The following LRRC8D variants were observed in gnomAD, a reference collection of about 807,000 sequenced individuals.
LRRC8D encodes the protein volume-regulated anion channel subunit LRRC8D.
Under a neutral mutation model 55.8 loss-of-function variants are expected in LRRC8D, and 20 were observed. The observed-to-expected ratio is 0.36, with a 90% CI of 0.25 to 0.52. The LOEUF (loss-of-function observed/expected upper bound fraction) is 0.52, where lower values mean the gene tolerates loss of function less well. LRRC8D is among the 20% of genes least tolerant of loss of function. LRRC8D has a pLI of 0.93. For missense variants in LRRC8D, 651 were observed against 1,030.8 expected, an observed-to-expected ratio of 0.63 and a Z score of 5.05; for synonymous variants, 352 against 377.0, an observed-to-expected ratio of 0.93 and a Z score of 0.77.
intron 2 of LRRC8D, among the ~76,000 whole-genome samples, chr1:89,921,579 C>G (rs930659724): frequency 1.3e-5 from 2 of 152,068 alleles, no homozygotes; most frequent in African/African-American, 4.8e-5. Flanking sequence ...GAGTCTTGCT[C>G]TGTTGCCCAG....
At chr1:89,893,208 A>G (rs1662622977) in intron 2 of LRRC8D, among the ~76,000 whole-genome samples, 1 of 152,188 alleles carries the variant, frequency 6.6e-6, no homozygotes, top group African/African-American at 2.4e-5. Flanking sequence ...CTAGGGCAGG[A>G]GTGTTGAGAA....
At chr1:89,870,153 A>G (rs1402127853) in intron 2 of LRRC8D, among the ~76,000 whole-genome samples, 1 of 151,698 alleles carries the variant, frequency 6.6e-6, no homozygotes, top group Non-Finnish European at 1.5e-5. Flanking sequence ...ATATCCAGCC[A>G]AAGTAAGCTG....
chr1:89,877,943 G>A (rs1420141822), intron 2 of LRRC8D, among the ~76,000 whole-genome samples: 1 of 152,198 alleles, frequency 6.6e-6, no homozygotes, highest in East Asian at 1.9e-4. Flanking sequence ...GAGTATGCTT[G>A]GTGCCTTCCC....
intron 1 of LRRC8D, among the ~76,000 whole-genome samples, chr1:89,838,516 A>G (rs920094884): frequency 3.3e-5 from 5 of 152,256 alleles, no homozygotes; most frequent in African/African-American, 7.2e-5. Flanking sequence ...TATTTCATCT[A>G]TGTAATACAC....
At chr1:89,839,822 T>C (rs1246820207) in intron 1 of LRRC8D, among the ~76,000 whole-genome samples, 1 of 152,218 alleles carries the variant, frequency 6.6e-6, no homozygotes, top group African/African-American at 2.4e-5. Flanking sequence ...TTTTCTTGTT[T>C]GTAAAATCCA....
chr1:89,919,519 A>G (rs1033181987), intron 2 of LRRC8D, among the ~76,000 whole-genome samples: 2 of 152,228 alleles, frequency 1.3e-5, no homozygotes, highest in African/African-American at 2.4e-5. Context: ...TTAAAAGGAA[A>G]ATGGTCAAGT....
chr1:89,850,949 C>T (rs1414181099), intron 2 of LRRC8D, among the ~76,000 whole-genome samples: 1 of 152,130 alleles, frequency 6.6e-6, no homozygotes, highest in East Asian at 1.9e-4. Context: ...TCTAAAAACA[C>T]ATTTCTAAAA....
intron 1 of LRRC8D, among the ~76,000 whole-genome samples, chr1:89,834,374 G>C (rs1557441904): frequency 6.6e-6 from 1 of 152,084 alleles, no homozygotes; most frequent in Non-Finnish European, 1.5e-5. Context: ...GTCCACAGTG[G>C]GCCACTTTTC....
At chr1:89,860,611 AGCTGAGCGTG>A (rs1661677640) in intron 2 of LRRC8D, among the ~76,000 whole-genome samples, 1 of 150,946 alleles carries the variant, frequency 6.6e-6, no homozygotes, top group Non-Finnish European at 1.5e-5. Flanking sequence ...TAAAAAAATT[AGCTGAGCGTG>A]GTGGTGCGCG....
intron 2 of LRRC8D, among the ~76,000 whole-genome samples, chr1:89,849,288 T>G (rs1182272102): frequency 1.3e-5 from 2 of 152,214 alleles, no homozygotes; most frequent in Non-Finnish European, 2.9e-5. Flanking sequence ...ATTTTTGGCT[T>G]CCATGTAGTA....
At position 89,922,858 on chromosome 1, in the gene LRRC8D, A is replaced by G. The variant is rs1663459996; in HGVS notation, c.-2-10209A>G. On this transcript the variant is annotated intron_variant, in intron 2 of 2. Coordinates refer to ENST00000337338, the MANE Select transcript of LRRC8D (RefSeq NM_001134479.2). ...GTTGAGATCTGGTTTCTTTATTTTA[A>G]CAGCTTTATGGAGATAAAATTTACA... Among the ~76,000 whole-genome samples the G allele has an allele frequency of 2.0e-5, 3 of 152,210 alleles. No individual in the cohort carries two copies. The South Asian group carries it at 6.2e-4, about 31-fold the overall frequency.
intron 1 of LRRC8D, among the ~76,000 whole-genome samples, chr1:89,839,441 T>C (rs1158326043): frequency 6.6e-6 from 1 of 152,198 alleles, no homozygotes; most frequent in African/African-American, 2.4e-5. Flanking sequence ...TAAGTAGTGC[T>C]TTCCTTCTTG....
intron 2 of LRRC8D, among the ~76,000 whole-genome samples, chr1:89,887,271 C>T (rs1244082780): frequency 5.9e-5 from 9 of 152,104 alleles, no homozygotes; most frequent in Admixed American, 5.2e-4. Flanking sequence ...GTCATTATCA[C>T]GCTTGGACAC....
At chr1:89,909,791 A>G (rs1663086754) in intron 2 of LRRC8D, among the ~76,000 whole-genome samples, 1 of 151,022 alleles carries the variant, frequency 6.6e-6, no homozygotes, top group South Asian at 2.1e-4. Context: ...GCATGAACCC[A>G]GGAGGCGGAG....
At chr1:89,899,571 A>G (rs1662798349) in intron 2 of LRRC8D, among the ~76,000 whole-genome samples, 1 of 152,242 alleles carries the variant, frequency 6.6e-6, no homozygotes, top group African/African-American at 2.4e-5. Flanking sequence ...GCATCACCTT[A>G]GCTGATCATC....
chr1:89,850,946 A>G (rs1472921702), intron 2 of LRRC8D, among the ~76,000 whole-genome samples: 2 of 152,202 alleles, frequency 1.3e-5, no homozygotes, highest in Admixed American at 1.3e-4. Context: ...TTTTCTAAAA[A>G]CACATTTCTA....
chr1:89,908,681 G>A (rs1199955738), intron 2 of LRRC8D, among the ~76,000 whole-genome samples: 1 of 152,194 alleles, frequency 6.6e-6, no homozygotes, highest in Non-Finnish European at 1.5e-5. Flanking sequence ...CTTAGACACA[G>A]AATGCTTTAT....
At chr1:89,843,496 AGG>A in intron 1 of LRRC8D, 140 bp from the exon 2 acceptor site, 1 of 497,158 alleles carries the variant, frequency 2.0e-6, no homozygotes, top group Non-Finnish European at 3.7e-6. Flanking sequence ...CGCCACGGCC[AGG>A]GGAGCGCTGG....
intron 1 of LRRC8D, among the ~76,000 whole-genome samples, chr1:89,826,752 AAAAG>A (rs1660775240): frequency 6.6e-6 from 1 of 152,170 alleles, no homozygotes; most frequent in Non-Finnish European, 1.5e-5. Context: ...TAATTGATCT[AAAAG>A]AAGGAACACA....
Sources: gnomAD v4.1 joint callset for allele counts (sites outside exome capture counted in the v4.1 genomes callset) on GRCh38, gnomAD v4.1.1 for gene constraint, MANE v1.5 for transcripts, NCBI Gene and HGNC (gene_info 2026-07-23, HGNC 2026-07-21) for gene names.